TSPAN5: variants seen among roughly 807,000 people sequenced by gnomAD.
TSPAN5 encodes the protein tetraspanin-5.
TSPAN5 carries 10 observed loss-of-function variants against 37.1 expected under a neutral mutation model. The ratio of observed to expected loss-of-function variants is 0.27; its 90% CI spans 0.17 to 0.46. The LOEUF is 0.46. Among genes scored for constraint, TSPAN5 ranks in the 20% least tolerant of loss-of-function variants. The probability of loss-of-function intolerance (pLI) is 1.00; values close to 1 mark genes in which losing one functional copy is unlikely to be tolerated. For missense variants in TSPAN5, 195 were observed against 326.6 expected (o/e 0.60, Z 3.11); for synonymous variants, 110 against 118.9 (o/e 0.93, Z 0.48).
chr4:98,477,222 A>G (rs2110254555), intron 5 of TSPAN5, among the ~76,000 whole-genome samples: 1 of 152,358 alleles, frequency 6.6e-6, no homozygotes, highest in East Asian at 1.9e-4. Flanking sequence ...GGCCACCAGG[A>G]TGAGCCCCTC....
At chr4:98,647,715 TTAGTGATTA>T (rs1426751542) in intron 1 of TSPAN5, among the ~76,000 whole-genome samples, 3 of 152,362 alleles carry the variant, frequency 2.0e-5, no homozygotes, top group African/African-American at 7.2e-5. Flanking sequence ...GTAATTGGGC[TTAGTGATTA>T]TATTACTTAA....
At chr4:98,624,979 T>C (rs28412266) in intron 1 of TSPAN5, among the ~76,000 whole-genome samples, 34,496 of 152,060 alleles carry the variant, frequency 0.23, 4,084 homozygotes, top group African/African-American at 0.28. Flanking sequence ...AAAACCATCA[T>C]TGAAAATTTG....
Position 98,495,914 on chromosome 4 carries a change from T to C in TSPAN5, c.133-9030A>G, listed in dbSNP as rs550843481. Among the ~76,000 whole-genome samples the C allele has an allele frequency of 1.5e-4, 23 of 152,206 alleles. No individual in the cohort carries two copies. In the East Asian group the frequency reaches 4.1e-3, roughly 27 times the overall value. On this transcript the variant is annotated intron_variant, in intron 2 of 7. Coordinates refer to ENST00000305798, the MANE Select transcript of TSPAN5 (RefSeq NM_005723.4). ...TCTGCTTTTGCATATACAAGCACAT[T>C]CCTTCCAACTGCTGGATAAGAAAGA...
intron 1 of TSPAN5, among the ~76,000 whole-genome samples, chr4:98,589,251 G>A (rs756557061): frequency 2.0e-5 from 3 of 152,208 alleles, no homozygotes; most frequent in Non-Finnish European, 2.9e-5. Flanking sequence ...GCAAGCACTG[G>A]TCAGCAAATT....
chr4:98,563,748 G>A (rs1754928801), intron 1 of TSPAN5, among the ~76,000 whole-genome samples: 1 of 152,214 alleles, frequency 6.6e-6, no homozygotes, highest in African/African-American at 2.4e-5. Flanking sequence ...AGCAAGACGT[G>A]CTGTGTCAAA....
intron 2 of TSPAN5, among the ~76,000 whole-genome samples, chr4:98,503,462 C>T (rs1051280016): frequency 4.4e-4 from 67 of 152,182 alleles, no homozygotes; most frequent in East Asian, 5.8e-4. Context: ...GGCCCTCACC[C>T]TGACATACCT....
intron 2 of TSPAN5, among the ~76,000 whole-genome samples, chr4:98,488,465 T>C (rs1454801741): frequency 6.6e-6 from 1 of 152,130 alleles, no homozygotes; most frequent in Non-Finnish European, 1.5e-5. Flanking sequence ...TAAACCTAAT[T>C]TTAAAAAGTC....
At chr4:98,603,609 A>G (rs1755936304) in intron 1 of TSPAN5, among the ~76,000 whole-genome samples, 2 of 152,328 alleles carry the variant, frequency 1.3e-5, no homozygotes, top group East Asian at 1.9e-4. Flanking sequence ...GAGCTTACCT[A>G]TCAGGCAGGA....
chr4:98,478,540 T>C, intron 5 of TSPAN5, 145 bp downstream of exon 5: 2 of 928,442 alleles, frequency 2.2e-6, no homozygotes, highest in South Asian at 1.5e-5. Context: ...CTAGGAAGAT[T>C]TGAGCACCAT....
At chr4:98,647,778 T>C (rs914419253) in intron 1 of TSPAN5, among the ~76,000 whole-genome samples, 5 of 152,062 alleles carry the variant, frequency 3.3e-5, no homozygotes, top group Non-Finnish European at 7.4e-5. Flanking sequence ...TCTATGTACA[T>C]ATGGATAATA....
At chr4:98,580,405 A>G (rs779387435) in intron 1 of TSPAN5, among the ~76,000 whole-genome samples, 13 of 152,116 alleles carry the variant, frequency 8.5e-5, no homozygotes, top group Non-Finnish European at 1.8e-4. Context: ...ACTCTTATAC[A>G]CACTGTGGAA....
At chr4:98,626,310 T>A (rs1400389063) in intron 1 of TSPAN5, among the ~76,000 whole-genome samples, 2 of 152,190 alleles carry the variant, frequency 1.3e-5, no homozygotes, top group African/African-American at 2.4e-5. Flanking sequence ...AAAGGGCTTA[T>A]CATAACCTCC....
chr4:98,486,153 C>T (rs1752953429), intron 3 of TSPAN5, among the ~76,000 whole-genome samples: 1 of 152,160 alleles, frequency 6.6e-6, no homozygotes, highest in Non-Finnish European at 1.5e-5. Context: ...TACCAGTGAA[C>T]CCCCTGGTGA....
chr4:98,650,800 G>A (rs1757170921), intron 1 of TSPAN5, among the ~76,000 whole-genome samples: 1 of 152,114 alleles, frequency 6.6e-6, no homozygotes, highest in Non-Finnish European at 1.5e-5. Context: ...AATGAGTTTG[G>A]AACATCTTAT....
At chr4:98,593,065 G>C (rs1333067585) in intron 1 of TSPAN5, among the ~76,000 whole-genome samples, 2 of 67,708 alleles carry the variant, frequency 3.0e-5, no homozygotes, top group African/African-American at 1.3e-4. Context: ...CAGTGTAAAA[G>C]TGTTCCTATT....
At chr4:98,634,019 C>T (rs142067193) in intron 1 of TSPAN5, among the ~76,000 whole-genome samples, 14,179 of 151,048 alleles carry the variant, frequency 0.094, 741 homozygotes, top group Non-Finnish European at 0.11. Flanking sequence ...GCAGAGGTTG[C>T]GGTGAGTGGA....
intron 1 of TSPAN5, among the ~76,000 whole-genome samples, chr4:98,606,947 C>T (rs971922723): frequency 4.6e-5 from 7 of 152,104 alleles, no homozygotes; most frequent in African/African-American, 9.6e-5. Flanking sequence ...GAGGTGCAGA[C>T]GGATGGCTGC....
intron 1 of TSPAN5, among the ~76,000 whole-genome samples, chr4:98,542,332 T>C (rs768966695): frequency 6.6e-6 from 1 of 152,206 alleles, no homozygotes; most frequent in Non-Finnish European, 1.5e-5. Flanking sequence ...TTTGCATGCA[T>C]ACTGTGCAAG....
intron 1 of TSPAN5, among the ~76,000 whole-genome samples, chr4:98,559,057 T>A (rs1754818570): frequency 6.6e-6 from 1 of 152,210 alleles, no homozygotes; most frequent in Non-Finnish European, 1.5e-5. Context: ...AAACCTGTAC[T>A]GTCTCTGGCT....
Sources: gnomAD v4.1 joint callset for allele counts (sites outside exome capture counted in the v4.1 genomes callset) on GRCh38, gnomAD v4.1.1 for gene constraint, MANE v1.5 for transcripts, NCBI Gene and HGNC (gene_info 2026-07-23, HGNC 2026-07-21) for gene names.